ADGRG6: variants seen among roughly 807,000 people sequenced by gnomAD.
ADGRG6 encodes the protein adhesion G protein-coupled receptor G6.
In ADGRG6, 84 loss-of-function variants were observed where a neutral mutation model predicts 142.4. That is an observed-to-expected ratio of 0.59 (90% CI 0.49 to 0.71). The LOEUF (loss-of-function observed/expected upper bound fraction) is 0.71. Ranked by LOEUF, ADGRG6 falls within the 30% of genes least tolerant of loss-of-function variation. ADGRG6 has a pLI of 0.00. For synonymous variants in ADGRG6, 521 were observed against 520.5 expected (o/e 1.00, Z -0.01); for missense variants, 1,367 against 1,466.6 (o/e 0.93, Z 1.11).
chr6:142,432,876 CA>C (rs1287592226), intron 22 of ADGRG6, among the ~76,000 whole-genome samples: 1 of 152,102 alleles, frequency 6.6e-6, no homozygotes, highest in Non-Finnish European at 1.5e-5. Context: ...GGATATATAG[CA>C]TACAGAAAGA....
chr6:142,373,557 G>C (rs919451222), intron 4 of ADGRG6, among the ~76,000 whole-genome samples: 8 of 152,202 alleles, frequency 5.3e-5, no homozygotes, highest in Non-Finnish European at 1.2e-4. Context: ...TGTTTGTTTA[G>C]AGACGGGGTT....
At chr6:142,357,242 T>C (rs548183654) in intron 2 of ADGRG6, among the ~76,000 whole-genome samples, 120 of 152,092 alleles carry the variant, frequency 7.9e-4, no homozygotes, top group Admixed American at 1.9e-3. Context: ...TCTCTTCCCC[T>C]CTCTCTCTCA....
In ADGRG6 at chr6:142,309,576, A is replaced by T. The variant is rs1245605905; in HGVS notation, c.35A>T (p.His12Leu). The T allele has an allele frequency of 1.2e-5, 19 of 1,609,780 alleles. No homozygotes were observed. Among genetic ancestry groups the T allele is most frequent in the Non-Finnish European group, 1.6e-5 (19 of 1,177,688 alleles). The change falls in exon 2 of 25, where the codon CAT becomes CTT. Residue 12 changes from histidine (H) to leucine (L), a missense_variant. By Grantham distance (99) the His-to-Leu change is moderately conservative. Transcript: ENST00000367609. ...CGCTCAGATCGAATGTGGAGCTGCCATTGGAAATGGAAGCCCAGTCCTCTC... is the reference window on the plus strand; with the variant it reads ...CGCTCAGATCGAATGTGGAGCTGCCTTTGGAAATGGAAGCCCAGTCCTCTC... ...MFRSDRMWSC[H>L]WKWKPSPLLF... is the part of the protein sequence containing the mutation.
rs199568634 is a variant in ADGRG6, at chr6:142,419,954, C to T, written c.3169C>T (p.Arg1057Trp). 45 of 1,613,392 alleles carry T rather than the reference C, an allele frequency of 2.8e-5. No individual in the cohort carries two copies. Among genetic ancestry groups the T allele is most frequent in the Admixed American group, 1.3e-4 (8 of 59,938 alleles). The change falls in exon 22 of 25, where the codon CGG (arginine) becomes TGG (tryptophan). Residue 1057 changes from arginine to tryptophan, a missense_variant. Coordinates refer to ENST00000367609, the MANE Select transcript of ADGRG6 (RefSeq NM_198569.3). ...TGGGAGGAATGGCAAGAGAAGCAAC[C>T]GGACCCTGAGAGAAGAAGTGTTAAG... ...ICGRNGKRSN[R>W]TLREEVLRNL...
chr6:142,406,191 T>TTC (rs386408807), intron 15 of ADGRG6, among the ~76,000 whole-genome samples: 1 of 114 alleles, frequency 8.8e-3, no homozygotes, highest in Admixed American at 0.12. Context: ...AAGGAAAGGG[T>TTC]TTTTTTTTTT....
At chr6:142,400,355 A>G in intron 10 of ADGRG6, 130 bp from the exon 11 acceptor site, 1 of 572,960 alleles carries the variant, frequency 1.7e-6, no homozygotes, top group Non-Finnish European at 3.1e-6. Flanking sequence ...GATAAACACT[A>G]ATATTTTGGT....
intron 2 of ADGRG6, among the ~76,000 whole-genome samples, chr6:142,343,098 T>A (rs1779738147): frequency 6.6e-6 from 1 of 151,786 alleles, no homozygotes; most frequent in Non-Finnish European, 1.5e-5. Context: ...TAAAAATGTA[T>A]TATCTGCATT....
At chr6:142,331,493 G>A (rs1278670240) in intron 2 of ADGRG6, among the ~76,000 whole-genome samples, 1 of 152,034 alleles carries the variant, frequency 6.6e-6, no homozygotes, top group East Asian at 1.9e-4. Flanking sequence ...AAAATGCAGT[G>A]GGAACCCAGC....
chr6:142,355,390 A>G (rs949360643), intron 2 of ADGRG6, among the ~76,000 whole-genome samples: 1 of 152,146 alleles, frequency 6.6e-6, no homozygotes, highest in African/African-American at 2.4e-5. Context: ...CTTTCCATAG[A>G]ACATCCCTAC....
chr6:142,321,784 A>C (rs984969425), intron 2 of ADGRG6, among the ~76,000 whole-genome samples: 1 of 152,168 alleles, frequency 6.6e-6, no homozygotes, highest in African/African-American at 2.4e-5. Context: ...GTATACATTT[A>C]TCAAAACTCA....
intron 2 of ADGRG6, among the ~76,000 whole-genome samples, chr6:142,318,736 C>G (rs1411321360): frequency 6.6e-6 from 1 of 151,708 alleles, no homozygotes; most frequent in Non-Finnish European, 1.5e-5. Context: ...GGAGCAGGGA[C>G]AAGGACAAAT....
At chr6:142,363,345 A>T (rs1016307805) in intron 2 of ADGRG6, among the ~76,000 whole-genome samples, 1 of 152,092 alleles carries the variant, frequency 6.6e-6, no homozygotes. Context: ...TAAAAAAAAA[A>T]CCTCACAAGT....
At chr6:142,347,938 T>C (rs1382293123) in intron 2 of ADGRG6, among the ~76,000 whole-genome samples, 2 of 152,166 alleles carry the variant, frequency 1.3e-5, no homozygotes, top group Non-Finnish European at 2.9e-5. Context: ...ACTACCATGT[T>C]TTTTCTGGCC....
chr6:142,419,706 T>C (rs1209638686), intron 21 of ADGRG6, 115 bp from the exon 22 acceptor site: 19 of 736,010 alleles, frequency 2.6e-5, no homozygotes, highest in Non-Finnish European at 2.6e-5. Flanking sequence ...AAAGTGGCTT[T>C]CTAAAGACAT....
chr6:142,427,458 G>T (rs1777000751), intron 22 of ADGRG6, among the ~76,000 whole-genome samples: 1 of 152,042 alleles, frequency 6.6e-6, no homozygotes, highest in African/African-American at 2.4e-5. Context: ...CACTATCAAC[G>T]TTTTTATCAA....
At chr6:142,433,467 G>T (rs1160169555) in intron 22 of ADGRG6, among the ~76,000 whole-genome samples, 2 of 152,214 alleles carry the variant, frequency 1.3e-5, no homozygotes, top group Non-Finnish European at 2.9e-5. Flanking sequence ...AAAGCAATGA[G>T]ATTTAGTCAT....
At chr6:142,408,397 A>C in intron 16 of ADGRG6, 128 bp downstream of exon 16, 1 of 596,462 alleles carries the variant, frequency 1.7e-6, no homozygotes, top group Non-Finnish European at 2.9e-6. Flanking sequence ...TTTTCTATAA[A>C]GAGAGAACAA....
chr6:142,432,512 C>G (rs538110171), intron 22 of ADGRG6, among the ~76,000 whole-genome samples: 1 of 152,128 alleles, frequency 6.6e-6, no homozygotes, highest in Non-Finnish European at 1.5e-5. Flanking sequence ...TAATTTTGTT[C>G]CATAGCGTCA....
At chr6:142,427,488 A>C (rs1329348738) in intron 22 of ADGRG6, among the ~76,000 whole-genome samples, 6 of 152,166 alleles carry the variant, frequency 3.9e-5, no homozygotes, top group African/African-American at 1.2e-4. Flanking sequence ...GTAAGTCTCT[A>C]GGAAGTTTCA....
Sources: gnomAD v4.1 joint callset for allele counts (sites outside exome capture counted in the v4.1 genomes callset) on GRCh38, gnomAD v4.1.1 for gene constraint, MANE v1.5 for transcripts, NCBI Gene and HGNC (gene_info 2026-07-23, HGNC 2026-07-21) for gene names.